The following SPATA16 variants were observed in gnomAD, a reference collection of about 807,000 sequenced individuals.
SPATA16 encodes the protein spermatogenesis associated 16.
A neutral mutation model predicts 63.3 loss-of-function variants in SPATA16; 36 were observed. The observed-to-expected ratio is 0.57, with a 90% CI of 0.44 to 0.75. SPATA16 has a LOEUF of 0.75. Among genes scored for constraint, SPATA16 ranks in the 30% least tolerant of loss-of-function variants. The pLI is 0.00. For missense variants in SPATA16, 646 were observed against 679.3 expected (o/e 0.95, Z 0.54); for synonymous variants, 203 against 216.7 (o/e 0.94, Z 0.56).
intron 2 of SPATA16, among the ~76,000 whole-genome samples, chr3:173,114,845 G>A (rs528359332): frequency 2.6e-5 from 4 of 152,238 alleles, no homozygotes; most frequent in African/African-American, 9.6e-5. Context: ...TTAAATTCGG[G>A]AAAAGAAAAG....
At chr3:173,027,743 T>C (rs1289950840) in intron 3 of SPATA16, among the ~76,000 whole-genome samples, 1 of 151,890 alleles carries the variant, frequency 6.6e-6, no homozygotes, top group Non-Finnish European at 1.5e-5. Context: ...TATCTCTCTT[T>C]ATCTCTTCCC....
chr3:172,973,265 A>ATG (rs754410473), intron 5 of SPATA16, among the ~76,000 whole-genome samples: 16 of 151,870 alleles, frequency 1.1e-4, no homozygotes, highest in Non-Finnish European at 1.8e-4. Flanking sequence ...CATATATTTC[A>ATG]TGTGTGTGTG....
intron 9 of SPATA16, among the ~76,000 whole-genome samples, chr3:172,915,647 A>T (rs955438642): frequency 2.6e-5 from 4 of 152,120 alleles, no homozygotes; most frequent in Admixed American, 2.6e-4. Flanking sequence ...TCTAATATTA[A>T]TTATGGTTAT....
chr3:172,954,249 C>T (rs1263701979), intron 6 of SPATA16, among the ~76,000 whole-genome samples: 4 of 152,158 alleles, frequency 2.6e-5, no homozygotes, highest in Non-Finnish European at 5.9e-5. Flanking sequence ...AAGAAAATCA[C>T]GCCTTACATG....
chr3:173,000,716 GTT>G (rs371952695), intron 4 of SPATA16, among the ~76,000 whole-genome samples: 1 of 139,986 alleles, frequency 7.1e-6, no homozygotes, highest in African/African-American at 2.6e-5. Flanking sequence ...CTGTTCTGTG[GTT>G]TTTTTTTTTT....
intron 4 of SPATA16, among the ~76,000 whole-genome samples, chr3:172,991,788 A>G (rs561676970): frequency 1.3e-5 from 2 of 152,326 alleles, no homozygotes; most frequent in Non-Finnish European, 2.9e-5. Context: ...GGACACAAGC[A>G]AGGCTGAAGA....
chr3:172,981,803 G>A (rs1472650248), intron 4 of SPATA16, among the ~76,000 whole-genome samples: 1 of 152,158 alleles, frequency 6.6e-6, no homozygotes, highest in Non-Finnish European at 1.5e-5. Context: ...TATGGTCTGT[G>A]GGTCCCATCT....
chr3:173,079,852 G>GTT (rs11463186), intron 2 of SPATA16, among the ~76,000 whole-genome samples: 93 of 149,124 alleles, frequency 6.2e-4, no homozygotes, highest in African/African-American at 1.8e-3. Flanking sequence ...CTCTTCTACT[G>GTT]TTTTTTTTTT....
At chr3:173,016,543 A>G (rs1735192260) in intron 4 of SPATA16, among the ~76,000 whole-genome samples, 1 of 152,230 alleles carries the variant, frequency 6.6e-6, no homozygotes, top group Non-Finnish European at 1.5e-5. Flanking sequence ...CCTAAGTCAC[A>G]TAATAATGGC....
At chr3:173,034,774 G>A (rs1047424825) in intron 3 of SPATA16, among the ~76,000 whole-genome samples, 2 of 152,092 alleles carry the variant, frequency 1.3e-5, no homozygotes, top group African/African-American at 4.8e-5. Flanking sequence ...TTTGATATGG[G>A]AATTATCTCA....
chr3:172,960,932 TC>T, intron 5 of SPATA16, among the ~76,000 whole-genome samples: 1 of 147,184 alleles, frequency 6.8e-6, no homozygotes, highest in Non-Finnish European at 1.5e-5. Flanking sequence ...CTTCCTTCCT[TC>T]TCTTTCTCTC....
At chr3:173,035,455 T>C (rs894097202) in intron 3 of SPATA16, among the ~76,000 whole-genome samples, 1 of 152,050 alleles carries the variant, frequency 6.6e-6, no homozygotes, top group African/African-American at 2.4e-5. Flanking sequence ...TAGAGGATGA[T>C]GGTAAGCCAT....
chr3:173,056,393 AGAAT>A (rs749462282), intron 2 of SPATA16, among the ~76,000 whole-genome samples: 40 of 152,160 alleles, frequency 2.6e-4, no homozygotes, highest in Non-Finnish European at 4.3e-4. Flanking sequence ...TGAATAGTTG[AGAAT>A]GTATGTTGCT....
chr3:173,134,879 AC>A (rs1228864537), intron 1 of SPATA16, among the ~76,000 whole-genome samples: 1 of 152,224 alleles, frequency 6.6e-6, no homozygotes, highest in African/African-American at 2.4e-5. Flanking sequence ...TGTAAAAAAA[AC>A]AACATTAATG....
chr3:172,967,618 C>A (rs1319109941), intron 5 of SPATA16, among the ~76,000 whole-genome samples: 2 of 152,160 alleles, frequency 1.3e-5, no homozygotes, highest in African/African-American at 4.8e-5. Context: ...GAGTGGCGGG[C>A]CAGTAAGAAG....
intron 2 of SPATA16, among the ~76,000 whole-genome samples, chr3:173,072,289 C>T (rs1322171474): frequency 6.6e-6 from 1 of 152,162 alleles, no homozygotes; most frequent in Non-Finnish European, 1.5e-5. Context: ...TGGAGGCCAT[C>T]ATCATAAGTG....
At chr3:173,087,802 G>A (rs1288993199) in intron 2 of SPATA16, among the ~76,000 whole-genome samples, 1 of 152,132 alleles carries the variant, frequency 6.6e-6, no homozygotes, top group Non-Finnish European at 1.5e-5. Flanking sequence ...GGTTGGATAT[G>A]AAATTCTGGG....
intron 2 of SPATA16, among the ~76,000 whole-genome samples, chr3:173,070,134 C>T (rs972024419): frequency 6.6e-6 from 1 of 152,142 alleles, no homozygotes; most frequent in African/African-American, 2.4e-5. Context: ...GTGGCTTACA[C>T]CTGTAATCCC....
At chr3:173,061,272 A>G (rs1560110235) in intron 2 of SPATA16, among the ~76,000 whole-genome samples, 1 of 152,228 alleles carries the variant, frequency 6.6e-6, no homozygotes, top group East Asian at 1.9e-4. Context: ...TGAGAGCCTC[A>G]GATATAAGTC....
Sources: allele counts gnomAD v4.1 joint callset (sites outside exome capture counted in the v4.1 genomes callset), GRCh38; gene constraint gnomAD v4.1.1; transcripts MANE v1.5; gene names NCBI Gene and HGNC (gene_info 2026-07-23, HGNC 2026-07-21).